The following ANXA3 variants were observed in gnomAD, a reference collection of about 807,000 sequenced individuals.
ANXA3 encodes annexin A3.
A neutral mutation model predicts 48.8 loss-of-function variants in ANXA3; 46 were observed. The ratio of observed to expected loss-of-function variants is 0.94; its 90% confidence interval spans 0.74 to 1.21. The LOEUF (loss-of-function observed/expected upper bound fraction) is 1.21, where lower values mean the gene tolerates loss of function less well. Ranked by LOEUF, ANXA3 falls within the 50% of genes most tolerant of loss-of-function variation. The pLI is 0.00. For missense variants in ANXA3, 383 were observed against 378.6 expected, an observed-to-expected ratio of 1.01 and a Z score of -0.10; for synonymous variants, 128 against 134.7, an observed-to-expected ratio of 0.95 and a Z score of 0.35.
chr4:78,601,929 A>G (rs1277232404), intron 11 of ANXA3: 1 of 163,232 alleles, frequency 6.1e-6, no homozygotes, highest in African/African-American at 2.4e-5. Context: ...TTAAAAGTTC[A>G]TCCTCTATTT....
At chr4:78,596,755 G>A (rs1327492668) in intron 9 of ANXA3, among the ~76,000 whole-genome samples, 1 of 152,086 alleles carries the variant, frequency 6.6e-6, no homozygotes, top group Non-Finnish European at 1.5e-5. Flanking sequence ...AAAATGTATT[G>A]GGGAAAAATA....
At chr4:78,605,599 A>C (rs912886610) in intron 12 of ANXA3, among the ~76,000 whole-genome samples, 5 of 152,084 alleles carry the variant, frequency 3.3e-5, no homozygotes, top group African/African-American at 4.8e-5. Context: ...CATCTTATTT[A>C]ATTAAATTTA....
intron 3 of ANXA3, among the ~76,000 whole-genome samples, chr4:78,578,331 A>AGAGAGAGAGAGAGAGAGAGAGAGAGAGAG (rs1560444874): frequency 7.2e-5 from 3 of 41,380 alleles, no homozygotes; most frequent in Non-Finnish European, 1.3e-4. Flanking sequence ...GAGAGAGAGA[A>AGAGAGAGAGAGAGAGAGAGAGAGAGAGAG]AGGGAGGGAG....
intron 2 of ANXA3, among the ~76,000 whole-genome samples, chr4:78,565,259 G>C (rs962621844): frequency 5.9e-5 from 9 of 152,156 alleles, no homozygotes. Flanking sequence ...AGAGATTACA[G>C]GTGTGAGTCA....
intron 6 of ANXA3, among the ~76,000 whole-genome samples, chr4:78,589,145 T>C (rs1723236596): frequency 6.6e-6 from 1 of 152,128 alleles, no homozygotes; most frequent in African/African-American, 2.4e-5. Flanking sequence ...CTAAGAACAG[T>C]GGGGCAGATA....
intron 7 of ANXA3, among the ~76,000 whole-genome samples, chr4:78,593,551 A>G (rs1014280925): frequency 2.7e-5 from 4 of 150,754 alleles, no homozygotes; most frequent in Non-Finnish European, 5.9e-5. Context: ...GAGCAGCTTC[A>G]GATTTATGGA....
At chr4:78,597,247 A>G in intron 9 of ANXA3, 72 bp from the exon 10 acceptor site, 1 of 989,746 alleles carries the variant, frequency 1.0e-6, no homozygotes, top group Non-Finnish European at 1.5e-6. Flanking sequence ...TGCATATCAA[A>G]TAAAAAACTA....
chr4:78,580,584 TG>T (rs886942712), intron 4 of ANXA3, among the ~76,000 whole-genome samples: 4 of 152,140 alleles, frequency 2.6e-5, no homozygotes, highest in East Asian at 3.9e-4. Context: ...TAATGAACTG[TG>T]GGGGGAAAAG....
At chr4:78,559,258 T>C (rs1333456016) in intron 2 of ANXA3, among the ~76,000 whole-genome samples, 1 of 152,048 alleles carries the variant, frequency 6.6e-6, no homozygotes, top group Admixed American at 6.5e-5. Context: ...TTTTTAAAAT[T>C]TTTTTATAGA....
intron 3 of ANXA3, among the ~76,000 whole-genome samples, chr4:78,578,331 A>AGAGAGAGAGAT (rs1560444874): frequency 2.4e-5 from 1 of 41,380 alleles, no homozygotes; most frequent in Non-Finnish European, 4.4e-5. Context: ...GAGAGAGAGA[A>AGAGAGAGAGAT]AGGGAGGGAG....
intron 10 of ANXA3, among the ~76,000 whole-genome samples, chr4:78,598,635 G>C (rs949161258): frequency 2.0e-5 from 3 of 152,024 alleles, no homozygotes; most frequent in African/African-American, 7.3e-5. Flanking sequence ...CGCCTTCCAG[G>C]TTCAAGCAAT....
At chr4:78,555,683 A>AC (rs944554551) in intron 2 of ANXA3, among the ~76,000 whole-genome samples, 8 of 151,888 alleles carry the variant, frequency 5.3e-5, no homozygotes, top group Non-Finnish European at 1.2e-4. Flanking sequence ...TTAAAAAAAA[A>AC]AAAAAAAAAC....
At chr4:78,558,035 A>G (rs188831017) in intron 2 of ANXA3, among the ~76,000 whole-genome samples, 27 of 152,372 alleles carry the variant, frequency 1.8e-4, no homozygotes, top group Non-Finnish European at 3.5e-4. Context: ...AATATTATTC[A>G]GTCTTTTAAA....
At chr4:78,576,971 G>C (rs534934217) in intron 3 of ANXA3, among the ~76,000 whole-genome samples, 1 of 152,328 alleles carries the variant, frequency 6.6e-6, no homozygotes, top group Non-Finnish European at 1.5e-5. Flanking sequence ...TAGAGATGCA[G>C]AGAGGGGGTA....
intron 2 of ANXA3, among the ~76,000 whole-genome samples, chr4:78,571,564 C>A (rs894257880): frequency 2.0e-5 from 3 of 152,060 alleles, no homozygotes; most frequent in African/African-American, 7.2e-5. Context: ...AATATTAAAC[C>A]CTTCAAGAGA....
chr4:78,598,373 ACT>A (rs1331110681), intron 10 of ANXA3, among the ~76,000 whole-genome samples: 3 of 149,818 alleles, frequency 2.0e-5, no homozygotes, highest in Non-Finnish European at 4.4e-5. Context: ...CTCATTGTTG[ACT>A]CTGAATTGCT....
chr4:78,585,462 G>T (rs1188863883), intron 5 of ANXA3, among the ~76,000 whole-genome samples: 1 of 152,218 alleles, frequency 6.6e-6, no homozygotes, highest in Non-Finnish European at 1.5e-5. Flanking sequence ...GATACTCCCT[G>T]AGCATACATA....
intron 2 of ANXA3, among the ~76,000 whole-genome samples, chr4:78,559,773 A>G (rs1722588599): frequency 6.6e-6 from 1 of 152,220 alleles, no homozygotes; most frequent in African/African-American, 2.4e-5. Context: ...CAGTTTCCTC[A>G]TCTATAAAAC....
intron 2 of ANXA3, among the ~76,000 whole-genome samples, chr4:78,558,942 C>G (rs975611149): frequency 1.3e-5 from 2 of 152,146 alleles, no homozygotes; most frequent in African/African-American, 4.8e-5. Context: ...ACAATGCTGG[C>G]TTTCTTAGGT....
Sources: gnomAD v4.1 joint callset for allele counts (sites outside exome capture counted in the v4.1 genomes callset) on GRCh38, gnomAD v4.1.1 for gene constraint, MANE v1.5 for transcripts, NCBI Gene and HGNC (gene_info 2026-07-23, HGNC 2026-07-21) for gene names.